Variants in RFC3 observed in about 807,000 individuals in gnomAD.
The protein encoded by RFC3 is A1 38 kDa subunit.
In RFC3, 41 loss-of-function variants were observed where a neutral mutation model predicts 45.1. The observed-to-expected ratio is 0.91, with a 90% CI of 0.71 to 1.18. The LOEUF (loss-of-function observed/expected upper bound fraction) is 1.18. Among genes scored for constraint, RFC3 ranks in the 50% most tolerant of loss-of-function variants. The pLI is 0.00. For synonymous variants in RFC3, 149 were observed against 144.0 expected (o/e 1.03, Z -0.25); for missense variants, 423 against 428.1 (o/e 0.99, Z 0.10).
In RFC3 at chr13:33,831,190, G is replaced by A. The variant is rs113200312; in HGVS notation, c.711-66G>A. The A allele has an allele frequency of 1.0e-4, 100 of 981,950 alleles. No homozygotes were observed. In the African/African-American group the frequency reaches 1.1e-3, roughly 11 times the overall value. 60.8% of individuals were successfully genotyped at this position (981,950 alleles called of 1,614,324 possible). ...CCTAACCGCACGGACCAGTGGTTGG[G>A]GACTCCTGTTTTAGGACATAAGCAC... On this transcript the variant is annotated intron_variant, in intron 6 of 8. Coordinates refer to ENST00000380071, the MANE Select transcript of RFC3 (RefSeq NM_002915.4).
At position 33,837,187 on chromosome 13, in the gene RFC3, C is replaced by A; in HGVS notation, c.*892C>A. 4.6e-6 allele frequency: 2 copies of A among 434,084 alleles called. No individual in the cohort carries two copies. Among genetic ancestry groups the A allele is most frequent in the Non-Finnish European group, 3.1e-6 (1 of 326,242 alleles). The allele number at this position is 434,084 out of a possible 1,614,324, so 26.9% of individuals were successfully genotyped here. A position where few individuals can be genotyped will look rare whatever the true frequency, so the allele number is the denominator to read the frequency against. ...ATCCCAATCAAGGTATAGATGCCGT[C>A]ACCCCAAAAAGTTCCCTCCATATCC... On this transcript the variant is annotated 3_prime_UTR_variant, in exon 9 of 9. Coordinates refer to ENST00000380071, the MANE Select transcript of RFC3 (RefSeq NM_002915.4).
chr13:33,818,328 C>A, intron 1 of RFC3, 63 bp downstream of exon 1: 1 of 1,379,574 alleles, frequency 7.2e-7, no homozygotes, highest in Non-Finnish European at 1.0e-6. Flanking sequence ...GTTTCGCGCC[C>A]CCCTGAGGAG....
At chr13:33,864,239 C>A (rs757770068) in intron 8 of RFC3, among the ~76,000 whole-genome samples, 39 of 152,134 alleles carry the variant, frequency 2.6e-4, no homozygotes, top group Non-Finnish European at 4.1e-4. Flanking sequence ...AAGGGACCTG[C>A]CTTCCTAACC....
At chr13:33,824,187 A>G (rs1375325526) in intron 3 of RFC3, among the ~76,000 whole-genome samples, 1 of 152,130 alleles carries the variant, frequency 6.6e-6, no homozygotes, top group Non-Finnish European at 1.5e-5. Flanking sequence ...AAATAATTTC[A>G]ACAATGTATT....
At chr13:33,863,316 T>C (rs1205727939) in intron 8 of RFC3, among the ~76,000 whole-genome samples, 1 of 152,230 alleles carries the variant, frequency 6.6e-6, no homozygotes, top group South Asian at 2.1e-4. Context: ...TCTCTGGGTT[T>C]AATTTCTGTT....
At chr13:33,935,163 G>A (rs1194528124) in intron 8 of RFC3, among the ~76,000 whole-genome samples, 1 of 151,878 alleles carries the variant, frequency 6.6e-6, no homozygotes, top group African/African-American at 2.4e-5. Flanking sequence ...CAAGGGGGCA[G>A]GGACAATGTT....
intron 2 of RFC3, 97 bp from the exon 3 acceptor site, chr13:33,823,820 T>C (rs112715631): frequency 1.2e-5 from 7 of 595,774 alleles, no homozygotes; most frequent in African/African-American, 5.8e-5. Flanking sequence ...ATCTCAAGTT[T>C]TACTTTGTGT....
At chr13:33,874,723 G>C (rs747318659) in intron 8 of RFC3, among the ~76,000 whole-genome samples, 11 of 152,180 alleles carry the variant, frequency 7.2e-5, no homozygotes, top group Non-Finnish European at 1.6e-4. Flanking sequence ...CAGGCCATGA[G>C]GAAATATATA....
intron 8 of RFC3, among the ~76,000 whole-genome samples, chr13:33,853,376 C>T (rs1213823095): frequency 2.6e-5 from 4 of 152,154 alleles, no homozygotes; most frequent in Admixed American, 6.6e-5. Context: ...AAAGAAATTG[C>T]TATCCCCTTG....
intron 8 of RFC3, among the ~76,000 whole-genome samples, chr13:33,912,774 C>A (rs1593687023): frequency 6.6e-6 from 1 of 152,242 alleles, no homozygotes; most frequent in East Asian, 1.9e-4. Context: ...GTCCTTCCTG[C>A]TGCAGTGCTG....
chr13:33,881,712 C>T (rs929105365), intron 8 of RFC3, among the ~76,000 whole-genome samples: 4 of 152,110 alleles, frequency 2.6e-5, no homozygotes, highest in Non-Finnish European at 2.9e-5. Flanking sequence ...GTTCTTGTAC[C>T]CTCCATGGCT....
chr13:33,845,764 G>T (rs924586700), intron 8 of RFC3, among the ~76,000 whole-genome samples: 1 of 152,148 alleles, frequency 6.6e-6, no homozygotes, highest in Non-Finnish European at 1.5e-5. Flanking sequence ...TTCACTTCTG[G>T]ACTGGTCACT....
chr13:33,911,508 T>TA (rs372568448), intron 8 of RFC3, among the ~76,000 whole-genome samples: 3 of 151,798 alleles, frequency 2.0e-5, no homozygotes, highest in African/African-American at 4.8e-5. Context: ...GAGTAATTTA[T>TA]AAAAAAAAGA....
chr13:33,948,736 C>T (rs1399273996), intron 8 of RFC3, among the ~76,000 whole-genome samples: 2 of 152,216 alleles, frequency 1.3e-5, no homozygotes, highest in African/African-American at 2.4e-5. Context: ...TAAAGGAAAT[C>T]ATTTTGAAAC....
At chr13:33,862,158 G>A (rs926801185) in intron 8 of RFC3, among the ~76,000 whole-genome samples, 1 of 151,814 alleles carries the variant, frequency 6.6e-6, no homozygotes, top group Admixed American at 6.5e-5. Flanking sequence ...TAGCTAAGTC[G>A]CTCAGGTCTC....
intron 8 of RFC3, among the ~76,000 whole-genome samples, chr13:33,865,799 A>G (rs1283134973): frequency 6.6e-6 from 1 of 152,182 alleles, no homozygotes; most frequent in Non-Finnish European, 1.5e-5. Context: ...CACACCTGTA[A>G]TCCCAGCACT....
chr13:33,882,456 T>G (rs935363499), intron 8 of RFC3, among the ~76,000 whole-genome samples: 2 of 152,186 alleles, frequency 1.3e-5, no homozygotes, highest in Non-Finnish European at 2.9e-5. Flanking sequence ...AGATGAGGCC[T>G]TTGGGATGTG....
intron 8 of RFC3, among the ~76,000 whole-genome samples, chr13:33,929,406 C>G (rs2082837922): frequency 6.6e-6 from 1 of 152,126 alleles, no homozygotes; most frequent in African/African-American, 2.4e-5. Flanking sequence ...ACTATACTTT[C>G]TTTATAGAGA....
chr13:33,882,674 G>T (rs1313031354), intron 8 of RFC3, among the ~76,000 whole-genome samples: 1 of 152,152 alleles, frequency 6.6e-6, no homozygotes, highest in Non-Finnish European at 1.5e-5. Context: ...AATGTTTGTG[G>T]TTTAAGCCAC....
Sources: allele counts gnomAD v4.1 joint callset (sites outside exome capture counted in the v4.1 genomes callset), GRCh38; gene constraint gnomAD v4.1.1; transcripts MANE v1.5; gene names NCBI Gene and HGNC (gene_info 2026-07-23, HGNC 2026-07-21).